HSBP1: variants seen among roughly 807,000 people sequenced by gnomAD.
HSBP1 encodes the protein heat shock factor-binding protein 1.
HSBP1 carries 5 observed loss-of-function variants against 9.6 expected under a neutral mutation model. The observed-to-expected ratio is 0.52, with a 90% CI of 0.27 to 1.09. The LOEUF (loss-of-function observed/expected upper bound fraction) is 1.09, where lower values mean the gene tolerates loss of function less well. Among genes scored for constraint, HSBP1 ranks in the 50% least tolerant of loss-of-function variants. The probability of loss-of-function intolerance (pLI) is 0.11; values close to 1 mark genes in which losing one functional copy is unlikely to be tolerated. For missense variants in HSBP1, 121 were observed against 96.3 expected (o/e 1.26, Z -1.07); for synonymous variants, 42 against 33.3 (o/e 1.26, Z -0.90).
chr16:83,809,341 A>G lies in HSBP1; in HGVS notation c.149A>G (p.Lys50Arg), dbSNP rs1168770293. ...AGTAGTCGCATTGATGATCTGGAAA[A>G]GAATATCGCGGACCTCATGACACAG... ...DMSSRIDDLE[K>R]NIADLMTQAG... The change falls in exon 3 of 4, where the codon AAG becomes AGG. Residue 50 changes from lysine (K) to arginine (R), a missense_variant. Coordinates refer to ENST00000433866, the MANE Select transcript of HSBP1 (RefSeq NM_001537.4). 1 of 1,602,714 alleles carries G rather than the reference A, an allele frequency of 6.2e-7. No individual in the cohort carries two copies. Among genetic ancestry groups the G allele is most frequent in the Non-Finnish European group, 8.5e-7 (1 of 1,174,400 alleles).
At position 83,815,462 on chromosome 16, in the gene HSBP1, T is replaced by G. The variant is rs1904697522; in HGVS notation, c.*4044T>G. On this transcript the variant is annotated 3_prime_UTR_variant, in exon 4 of 4. Coordinates refer to ENST00000433866, the MANE Select transcript of HSBP1 (RefSeq NM_001537.4). ...AGGAAGTCGAGGTTGCAGTGAGCTG[T>G]GATCGGACGACTCCACTCCAGCCGG... The G allele has an allele frequency of 6.8e-6, 1 of 147,470 alleles. No individual in the cohort carries two copies. Among genetic ancestry groups the G allele is most frequent in the Admixed American group, 6.9e-5 (1 of 14,506 alleles). The allele number at this position is 147,470 out of a possible 1,614,324, so 9.1% of individuals were successfully genotyped here.
Position 83,812,324 on chromosome 16 carries a change from C to A in HSBP1, c.*906C>A, listed in dbSNP as rs186323838. On this transcript the variant is annotated 3_prime_UTR_variant, in exon 4 of 4. Transcript: ENST00000433866. ...TATGATCAACGACTTGTAGTAGACT[C>A]AAGTTTTTAAAAAACACTATTTTAC... is the stretch of plus-strand genomic sequence containing the variant. 6.6e-6 allele frequency: 1 copy of A among 152,436 alleles called. No homozygotes were observed. Among genetic ancestry groups the A allele is most frequent in the East Asian group, 1.9e-4 (1 of 5,182 alleles). 9.4% of individuals were successfully genotyped at this position (152,436 alleles called of 1,614,324 possible).
intron 2 of HSBP1, 92 bp from the exon 3 acceptor site, chr16:83,809,213 C>G (rs1383316152): frequency 2.2e-5 from 17 of 788,364 alleles, no homozygotes; most frequent in Non-Finnish European, 3.4e-5. Flanking sequence ...ACCAGTTTCC[C>G]TAAAGTCGTT....
chr16:83,811,333 A>G (rs1008043751), intron 3 of HSBP1, 88 bp from the exon 4 acceptor site: 1 of 152,250 alleles, frequency 6.6e-6, no homozygotes, highest in African/African-American at 2.4e-5. Flanking sequence ...GAGAGTGGAA[A>G]GGGATTTGTA....
In HSBP1 at chr16:83,812,024, G is replaced by C. The variant is rs909669661; in HGVS notation, c.*606G>C. On this transcript the variant is annotated 3_prime_UTR_variant, in exon 4 of 4. Transcript: ENST00000433866. ...GTCCCTGAGATCACATGCTAAAGTC[G>C]ATGAAAAGTAACCACTGCCACTGTC... is the stretch of plus-strand genomic sequence containing the variant. 2 of 152,648 alleles carry C rather than the reference G, an allele frequency of 1.3e-5. No individual in the cohort carries two copies. The highest frequency in any genetic ancestry group is 1.9e-4 in the East Asian group (1 of 5,196). The allele number at this position is 152,648 out of a possible 1,614,324, so 9.5% of individuals were successfully genotyped here.
intron 1 of HSBP1, 87 bp downstream of exon 1, chr16:83,808,208 G>A: frequency 8.8e-7 from 1 of 1,131,738 alleles, no homozygotes; most frequent in East Asian, 2.9e-5. Context: ...CGCCCACCGC[G>A]GCCGCGCGTG....
intron 3 of HSBP1, 27 bp downstream of exon 3, chr16:83,809,452 C>CTTT: frequency 1.5e-6 from 1 of 647,206 alleles, no homozygotes; most frequent in Admixed American, 3.6e-5. Flanking sequence ...TTTTTTTTTT[C>CTTT]TTTTCTTTTC....
In HSBP1 at chr16:83,818,951, C is replaced by T. The variant is rs184686533; in HGVS notation, c.*7533C>T. 21 of 152,254 alleles carry T rather than the reference C, an allele frequency of 1.4e-4. No homozygotes were observed. The highest frequency in any genetic ancestry group is 4.1e-4 in the African/African-American group (17 of 41,556). 9.4% of individuals were successfully genotyped at this position (152,254 alleles called of 1,614,324 possible). A position where few individuals can be genotyped will look rare whatever the true frequency, so the allele number is the denominator to read the frequency against. The stretch of plus-strand genomic sequence containing the variant: ...CGGCAGCATCAGAATCCCCTGGGAA[C>T]GTGCTGGAAATGTAGATCCCCAGGC... On this transcript the variant is annotated 3_prime_UTR_variant, in exon 4 of 4. Coordinates refer to ENST00000433866, the MANE Select transcript of HSBP1 (RefSeq NM_001537.4).
At chr16:83,808,536 A>G (rs1904517064) in intron 1 of HSBP1, 144 bp from the exon 2 acceptor site, 1 of 625,804 alleles carries the variant, frequency 1.6e-6, no homozygotes, top group Non-Finnish European at 2.8e-6. Flanking sequence ...GGAAGCCCAG[A>G]GAAGGAAGAT....
chr16:83,809,509 C>A (rs1436831563), intron 3 of HSBP1, 84 bp downstream of exon 3: 2 of 726,442 alleles, frequency 2.8e-6, no homozygotes, highest in Non-Finnish European at 4.3e-6. Context: ...GCTCTTGTTG[C>A]CCAGGCTGGA....
At position 83,816,830 on chromosome 16, in the gene HSBP1, C is replaced by T. The variant is rs185366577; in HGVS notation, c.*5412C>T. Reference sequence around the variant, plus strand: ...GGTGTAACGGTTCTGCTGATAGTTTCCGGACCCTCAGAGGTGGAGACATAA... The same window carrying T: ...GGTGTAACGGTTCTGCTGATAGTTTTCGGACCCTCAGAGGTGGAGACATAA... On this transcript the variant is annotated 3_prime_UTR_variant, in exon 4 of 4. Coordinates refer to ENST00000433866, the MANE Select transcript of HSBP1 (RefSeq NM_001537.4). 150 of 152,330 alleles carry T rather than the reference C, an allele frequency of 9.8e-4. 1 individual carries two copies. Among genetic ancestry groups the T allele is most frequent in the African/African-American group, 3.4e-3 (142 of 41,572 alleles). The allele number at this position is 152,330 out of a possible 1,614,324, so 9.4% of individuals were successfully genotyped here.
In HSBP1 at chr16:83,809,169, C is replaced by T. The variant is rs1214936444; in HGVS notation, c.113-136C>T. On this transcript the variant is annotated intron_variant, in intron 2 of 3. Transcript: ENST00000433866. ...CCCCACAGTCCTGTACTCTTACCCA[C>T]CAGCGTGTAACAGTGTCGAAAGAAA... 7 of 629,534 alleles carry T rather than the reference C, an allele frequency of 1.1e-5. No homozygotes were observed. The Admixed American group carries it at 1.4e-4, about 12-fold the overall frequency. The allele number at this position is 629,534 out of a possible 1,614,324, so 39.0% of individuals were successfully genotyped here. A position where few individuals can be genotyped will look rare whatever the true frequency, so the allele number is the denominator to read the frequency against.
rs540236177 is a variant in HSBP1 at position 83,813,943 on chromosome 16, A to T, written c.*2525A>T. On this transcript the variant is annotated 3_prime_UTR_variant, in exon 4 of 4. Transcript: ENST00000433866. ...CCTATCAGGACTAACACAATATTTC[A>T]CGTAACTAAGAGTTAATTTGCCCTT... is the stretch of plus-strand genomic sequence containing the variant. The T allele has an allele frequency of 6.6e-6, 1 of 152,248 alleles. No individual in the cohort carries two copies. Among genetic ancestry groups the T allele is most frequent in the South Asian group, 2.1e-4 (1 of 4,824 alleles). The allele number at this position is 152,248 out of a possible 1,614,324, so 9.4% of individuals were successfully genotyped here.
rs1348962546 is a variant in HSBP1, at chr16:83,817,913, A to G, written c.*6495A>G. ...TGGTAAGTCCAGGAAATGCTGCAAA[A>G]CAATGCCCTCAAAAGAAATCAGCCT... On this transcript the variant is annotated 3_prime_UTR_variant, in exon 4 of 4. Transcript: ENST00000433866. The G allele has an allele frequency of 6.6e-6, 1 of 152,246 alleles. No homozygotes were observed. Among genetic ancestry groups the G allele is most frequent in the Non-Finnish European group, 1.5e-5 (1 of 68,046 alleles). The allele number at this position is 152,246 out of a possible 1,614,324, so 9.4% of individuals were successfully genotyped here. A position where few individuals can be genotyped will look rare whatever the true frequency, so the allele number is the denominator to read the frequency against.
At chr16:83,808,802 G>T in intron 2 of HSBP1, 56 bp downstream of exon 2, 1 of 1,298,050 alleles carries the variant, frequency 7.7e-7, no homozygotes, top group Non-Finnish European at 1.1e-6. Flanking sequence ...TATTTGCCGG[G>T]CAGTGGTGGG....
In HSBP1 at chr16:83,814,095, A is replaced by G. The variant is rs1285267519; in HGVS notation, c.*2677A>G. 1 of 152,228 alleles carries G rather than the reference A, an allele frequency of 6.6e-6. No homozygotes were observed. The highest frequency in any genetic ancestry group is 6.5e-5 in the Admixed American group (1 of 15,282). 9.4% of individuals were successfully genotyped at this position (152,228 alleles called of 1,614,324 possible). ...TTTGTAAATGGAAGCCTTCCCAAGC[A>G]GACACTGTGTTCCTCTTTTATTTTG... On this transcript the variant is annotated 3_prime_UTR_variant, in exon 4 of 4. Transcript: ENST00000433866.
intron 3 of HSBP1, among the ~76,000 whole-genome samples, chr16:83,810,251 C>A (rs1904569462): frequency 1.3e-5 from 2 of 152,002 alleles, no homozygotes; most frequent in African/African-American, 4.8e-5. Context: ...ATTTAAATTT[C>A]CTCTGAATAG....
At position 83,819,105 on chromosome 16, in the gene HSBP1, GTTGGGTTGCCCAACACC is replaced by G. The variant is rs1567610160; in HGVS notation, c.*7688_*7704del. ...CGGGCATCAACCTTGGGGCGAGGGT[GTTGGGTTGCCCAACACC>G]CTTTAGTCTAATGGCTTTAGGGTCA... On this transcript the variant is annotated 3_prime_UTR_variant, in exon 4 of 4. Transcript: ENST00000433866. 5.9e-5 allele frequency: 9 copies of G among 151,922 alleles called. No individual in the cohort carries two copies. The highest frequency in any genetic ancestry group is 1.5e-5 in the Non-Finnish European group (1 of 68,006). 9.4% of individuals were successfully genotyped at this position (151,922 alleles called of 1,614,324 possible).
In HSBP1 at chr16:83,814,220, A is replaced by G. The variant is rs1904667808; in HGVS notation, c.*2802A>G. On this transcript the variant is annotated 3_prime_UTR_variant, in exon 4 of 4. Transcript: ENST00000433866. ...AAAGTTAACTGGTTACAGTTACCAA[A>G]TGTTCACAGCTAGCGCCATTGAAAG... is the stretch of plus-strand genomic sequence containing the variant. 1 of 152,242 alleles carries G rather than the reference A, an allele frequency of 6.6e-6. No homozygotes were observed. The highest frequency in any genetic ancestry group is 2.4e-5 in the African/African-American group (1 of 41,464). 9.4% of individuals were successfully genotyped at this position (152,242 alleles called of 1,614,324 possible).
Sources: allele counts gnomAD v4.1 joint callset (sites outside exome capture counted in the v4.1 genomes callset), GRCh38; gene constraint gnomAD v4.1.1; transcripts MANE v1.5; gene names NCBI Gene and HGNC (gene_info 2026-07-23, HGNC 2026-07-21).